Variants in WIPF3 observed in about 807,000 individuals in gnomAD.
The protein encoded by WIPF3 is WAS/WASL-interacting protein family member 3.
WIPF3 carries 33 observed loss-of-function variants against 38.9 expected under a neutral mutation model. That is an observed-to-expected ratio of 0.85 (90% confidence interval 0.64 to 1.14). The LOEUF is 1.14. WIPF3 is among the 50% of genes most tolerant of loss of function. The pLI is 0.00. For synonymous variants in WIPF3, 324 were observed against 269.3 expected (o/e 1.20, Z -1.99); for missense variants, 711 against 652.5 (o/e 1.09, Z -0.98).
chr7:29,829,383 A>T (rs1166070281), intron 1 of WIPF3, among the ~76,000 whole-genome samples: 1 of 151,508 alleles, frequency 6.6e-6, no homozygotes, highest in Admixed American at 6.6e-5. Flanking sequence ...CACCTGGCTA[A>T]TTTTTTTGTA....
At chr7:29,902,271 C>CTTTT (rs1462394988) in intron 7 of WIPF3, among the ~76,000 whole-genome samples, 2 of 106,488 alleles carry the variant, frequency 1.9e-5, no homozygotes, top group Non-Finnish European at 3.6e-5. Context: ...TCTTCTTCTT[C>CTTTT]TTCTTTTTTT....
intron 1 of WIPF3, among the ~76,000 whole-genome samples, chr7:29,809,954 A>G (rs174916): frequency 0.94 from 143,097 of 152,158 alleles, 67,468 homozygotes; most frequent in East Asian, 1. Context: ...CCAGGCCTGC[A>G]CATGGACTGT....
At chr7:29,872,798 CAAAAAAA>C (rs61693654) in intron 2 of WIPF3, among the ~76,000 whole-genome samples, 2 of 31,048 alleles carry the variant, frequency 6.4e-5, no homozygotes, top group East Asian at 1.9e-3. Context: ...GACTCCATCT[CAAAAAAA>C]AAAAAAAAAA....
At chr7:29,879,194 G>T in intron 4 of WIPF3, 54 bp downstream of exon 4, 1 of 1,578,856 alleles carries the variant, frequency 6.3e-7, no homozygotes, top group Non-Finnish European at 8.7e-7. Flanking sequence ...TTAACTTGTG[G>T]AACCATCTGG....
intron 2 of WIPF3, among the ~76,000 whole-genome samples, chr7:29,860,441 C>G (rs1785256138): frequency 6.6e-6 from 1 of 152,118 alleles, no homozygotes; most frequent in African/African-American, 2.4e-5. Flanking sequence ...CTCTTCCTTC[C>G]TCTCTTACCA....
At chr7:29,856,170 T>C (rs1455614203) in intron 2 of WIPF3, among the ~76,000 whole-genome samples, 1 of 152,198 alleles carries the variant, frequency 6.6e-6, no homozygotes, top group East Asian at 1.9e-4. Context: ...TCTTTAGGGG[T>C]TTTTATACAT....
intron 7 of WIPF3, among the ~76,000 whole-genome samples, chr7:29,901,955 G>A (rs914138320): frequency 6.6e-6 from 1 of 152,092 alleles, no homozygotes; most frequent in Non-Finnish European, 1.5e-5. Context: ...TGCCTCCCAG[G>A]AGACATTTGG....
chr7:29,813,228 G>C (rs190051808), intron 1 of WIPF3, among the ~76,000 whole-genome samples: 118 of 152,120 alleles, frequency 7.8e-4, no homozygotes, highest in Non-Finnish European at 1.6e-3. Context: ...TTACTCATGT[G>C]GGTCCCCAAA....
At chr7:29,900,288 ATAT>A (rs1431204728) in intron 7 of WIPF3, among the ~76,000 whole-genome samples, 1 of 152,178 alleles carries the variant, frequency 6.6e-6, no homozygotes, top group African/African-American at 2.4e-5. Context: ...AAGTTGGGTG[ATAT>A]TAATTTTCTT....
intron 2 of WIPF3, among the ~76,000 whole-genome samples, chr7:29,837,761 A>G (rs1461125667): frequency 6.6e-6 from 1 of 152,232 alleles, no homozygotes. Context: ...TTACTATGGA[A>G]ATGATGAATA....
At chr7:29,858,594 A>G (rs1417891573) in intron 2 of WIPF3, among the ~76,000 whole-genome samples, 1 of 152,230 alleles carries the variant, frequency 6.6e-6, no homozygotes, top group Non-Finnish European at 1.5e-5. Context: ...TTCTCTGCCT[A>G]TCATAGTTGT....
intron 7 of WIPF3, among the ~76,000 whole-genome samples, chr7:29,894,585 T>C (rs1786092314): frequency 6.6e-6 from 1 of 152,202 alleles, no homozygotes; most frequent in Admixed American, 6.5e-5. Context: ...GGTGTATGCC[T>C]GTCTGATTAC....
At chr7:29,858,844 C>T (rs950868965) in intron 2 of WIPF3, among the ~76,000 whole-genome samples, 3 of 152,132 alleles carry the variant, frequency 2.0e-5, no homozygotes, top group Admixed American at 6.5e-5. Flanking sequence ...ACCAGTGGGC[C>T]CCTTCTGTGA....
At chr7:29,900,469 C>T (rs1786252166) in intron 7 of WIPF3, among the ~76,000 whole-genome samples, 1 of 152,118 alleles carries the variant, frequency 6.6e-6, no homozygotes, top group Non-Finnish European at 1.5e-5. Context: ...TGACCTCTCT[C>T]AGAGACTGAG....
intron 2 of WIPF3, among the ~76,000 whole-genome samples, chr7:29,847,773 C>T (rs62457580): frequency 0.15 from 23,351 of 152,026 alleles, 1,932 homozygotes; most frequent in Non-Finnish European, 0.18. Context: ...ACACTGAAGG[C>T]GGTGGGGAGT....
intron 2 of WIPF3, among the ~76,000 whole-genome samples, chr7:29,835,663 A>G (rs1055330297): frequency 6.6e-6 from 1 of 152,218 alleles, no homozygotes; most frequent in African/African-American, 2.4e-5. Flanking sequence ...TTTCCTCTGA[A>G]GAAAACCAGG....
intron 2 of WIPF3, among the ~76,000 whole-genome samples, chr7:29,849,128 C>T (rs1490116281): frequency 6.6e-6 from 1 of 152,098 alleles, no homozygotes; most frequent in African/African-American, 2.4e-5. Context: ...TCGACCCCAG[C>T]CTAGCCCAAT....
chr7:29,836,850 C>T (rs750986685), intron 2 of WIPF3, among the ~76,000 whole-genome samples: 1 of 152,014 alleles, frequency 6.6e-6, no homozygotes, highest in Non-Finnish European at 1.5e-5. Flanking sequence ...ATTAGTCAGG[C>T]ATGGTGGCAG....
intron 2 of WIPF3, among the ~76,000 whole-genome samples, chr7:29,867,954 A>G (rs1785420630): frequency 6.6e-6 from 1 of 152,222 alleles, no homozygotes; most frequent in African/African-American, 2.4e-5. Context: ...AGCTGGATTC[A>G]CTGGTAAGAG....
Sources: gnomAD v4.1 joint callset for allele counts (sites outside exome capture counted in the v4.1 genomes callset) on GRCh38, gnomAD v4.1.1 for gene constraint, MANE v1.5 for transcripts, NCBI Gene and HGNC (gene_info 2026-07-23, HGNC 2026-07-21) for gene names.